The following USP37 variants were observed in gnomAD, a reference collection of about 807,000 sequenced individuals.
USP37 encodes ubiquitin specific peptidase 37, also known as ubiquitin carboxyl-terminal hydrolase 37.
USP37 carries 27 observed loss-of-function variants against 124.0 expected under a neutral mutation model. The ratio of observed to expected loss-of-function variants is 0.22; its 90% confidence interval spans 0.16 to 0.30. The LOEUF is 0.30. Among genes scored for constraint, USP37 ranks in the 10% least tolerant of loss-of-function variants. The pLI is 1.00. For missense variants in USP37, 889 were observed against 1,140.4 expected (o/e 0.78, Z 3.17); for synonymous variants, 365 against 388.0 (o/e 0.94, Z 0.70).
chr2:218,464,189 T>G (rs892989609), intron 21 of USP37, among the ~76,000 whole-genome samples: 1 of 151,442 alleles, frequency 6.6e-6, no homozygotes, highest in Non-Finnish European at 1.5e-5. Flanking sequence ...CCCAGTAAAT[T>G]TGAATGTGCA....
rs1690286851 is a variant in USP37, at chr2:218,465,853, G to A, written c.2466+157C>T. Among the ~76,000 whole-genome samples the A allele has an allele frequency of 6.6e-6, 1 of 152,100 alleles. No individual in the cohort carries two copies. The highest frequency in any genetic ancestry group is 1.5e-5 in the Non-Finnish European group (1 of 68,002). On this transcript the variant is annotated intron_variant, in intron 21 of 25. Coordinates refer to ENST00000258399, the MANE Select transcript of USP37 (RefSeq NM_020935.3). Reference sequence around the variant, plus strand: ...TTACAGGCATGAACCACCAAACCCTGCCTCAAACAAGTCTTTTTTTTCCCC... The same window carrying A: ...TTACAGGCATGAACCACCAAACCCTACCTCAAACAAGTCTTTTTTTTCCCC...
chr2:218,472,667 T>G (rs768171267), intron 20 of USP37, among the ~76,000 whole-genome samples: 154 of 152,060 alleles, frequency 1.0e-3, no homozygotes, highest in Non-Finnish European at 1.8e-3. Flanking sequence ...GGTTTCACCA[T>G]GTTGGTCAAG....
chr2:218,492,253 A>G (rs1337076473), intron 14 of USP37, among the ~76,000 whole-genome samples: 3 of 152,282 alleles, frequency 2.0e-5, no homozygotes, highest in East Asian at 3.9e-4. Flanking sequence ...TTTGGGAAAG[A>G]GAATTCAAAA....
chr2:218,548,546 T>TTGCCCAGGC (rs1692499638), intron 6 of USP37, among the ~76,000 whole-genome samples: 1 of 152,108 alleles, frequency 6.6e-6, no homozygotes, highest in Non-Finnish European at 1.5e-5. Context: ...GTTTCACATG[T>TTGCCCAGGC]TGCCCAGGCT....
intron 19 of USP37, 27 bp downstream of exon 19, chr2:218,476,813 C>A: frequency 6.3e-7 from 1 of 1,583,870 alleles, no homozygotes; most frequent in South Asian, 1.2e-5. Context: ...AAATCTTTGT[C>A]AGATGTTTTA....
At chr2:218,458,480 A>G (rs1689828477) in intron 23 of USP37, among the ~76,000 whole-genome samples, 1 of 151,728 alleles carries the variant, frequency 6.6e-6, no homozygotes, top group Non-Finnish European at 1.5e-5. Context: ...GCTGAGGCAC[A>G]AGAATCGCTT....
chr2:218,478,264 A>G (rs1159716702), intron 18 of USP37, among the ~76,000 whole-genome samples: 1 of 152,202 alleles, frequency 6.6e-6, no homozygotes, highest in Non-Finnish European at 1.5e-5. Context: ...GAACACTTGA[A>G]AAGCCTCCCA....
At chr2:218,531,876 G>A (rs1691345415) in intron 9 of USP37, among the ~76,000 whole-genome samples, 2 of 152,230 alleles carry the variant, frequency 1.3e-5, no homozygotes, top group South Asian at 4.1e-4. Flanking sequence ...CTGAATTGCT[G>A]CAATCTCATG....
chr2:218,469,491 T>C (rs1382632480), intron 20 of USP37, among the ~76,000 whole-genome samples: 2 of 152,186 alleles, frequency 1.3e-5, no homozygotes, highest in Admixed American at 1.3e-4. Flanking sequence ...ATAAAATGAG[T>C]ATTATTATTT....
At chr2:218,459,645 G>C in intron 23 of USP37, 145 bp downstream of exon 23, 1 of 575,524 alleles carries the variant, frequency 1.7e-6, no homozygotes, top group Non-Finnish European at 3.0e-6. Flanking sequence ...AACAGCAAAT[G>C]ACAAGAGAAA....
rs1262801588 is a variant in USP37 at position 218,544,422 on chromosome 2, T to TAGAG, written c.680+1798_680+1799insCTCT. On this transcript the variant is annotated intron_variant, in intron 8 of 25. Transcript: ENST00000258399. ...AAAAAAAAAAATATATATATATATA[T>TAGAG]ATATATATAGAGAGAGAGAGAGAGA... 3.7e-3 allele frequency among the ~76,000 whole-genome samples: 210 copies of TAGAG among 56,282 alleles called. 1 individual carries two copies. Among genetic ancestry groups the TAGAG allele is most frequent in the East Asian group, 8.5e-3 (11 of 1,290 alleles). The allele number at this position is 56,282 out of a possible 152,430, so 36.9% of individuals were successfully genotyped here.
chr2:218,565,573 A>T (rs1257668041), intron 1 of USP37, among the ~76,000 whole-genome samples: 1 of 152,350 alleles, frequency 6.6e-6, no homozygotes, highest in East Asian at 1.9e-4. Flanking sequence ...TTTCAGAATG[A>T]AAAGTGTTTG....
chr2:218,457,030 T>C (rs908217813), intron 24 of USP37, 62 bp downstream of exon 24: 51 of 1,509,072 alleles, frequency 3.4e-5, no homozygotes, highest in Non-Finnish European at 4.7e-5. Context: ...AAGAGCAATA[T>C]AATAAAGAGC....
intron 7 of USP37, 117 bp downstream of exon 7, chr2:218,546,802 T>C: frequency 8.7e-7 from 1 of 1,156,016 alleles, no homozygotes; most frequent in South Asian, 1.5e-5. Context: ...CTTGTAATCA[T>C]TACATCTACC....
chr2:218,562,747 A>T lies in USP37; in HGVS notation c.-163T>A. ...ATTCTGATCCTTGTGCCAAAGGCAA[A>T]GCACTCTTCTTGGGACACTACTCAT... On this transcript the variant is annotated 5_prime_UTR_variant, in exon 2 of 26. Coordinates refer to ENST00000258399, the MANE Select transcript of USP37 (RefSeq NM_020935.3). The T allele has an allele frequency of 2.5e-6, 1 of 398,654 alleles. No individual in the cohort carries two copies. The highest frequency in any genetic ancestry group is 3.6e-5 in the East Asian group (1 of 28,080). The allele number at this position is 398,654 out of a possible 1,614,324, so 24.7% of individuals were successfully genotyped here.
rs777604200 is a variant in USP37, at chr2:218,558,691, C to T, written c.-24-14G>A. 1 of 1,552,202 alleles carries T rather than the reference C, an allele frequency of 6.4e-7. No individual in the cohort carries two copies. The highest frequency in any genetic ancestry group is 8.7e-7 in the Non-Finnish European group (1 of 1,146,928). On this transcript the variant is annotated splice_polypyrimidine_tract_variant and intron_variant, in intron 3 of 25. Coordinates refer to ENST00000258399, the MANE Select transcript of USP37 (RefSeq NM_020935.3). ...AATTGCTTCTGGCTAAATTAAAAAG[C>T]AAAAATATACCTTTACCTGGCAGGT...
intron 14 of USP37, among the ~76,000 whole-genome samples, chr2:218,495,143 G>T (rs1689010584): frequency 6.6e-6 from 1 of 152,054 alleles, no homozygotes; most frequent in Non-Finnish European, 1.5e-5. Flanking sequence ...ACGCGTTTTT[G>T]TTTCGTTTTG....
chr2:218,477,022 G>C, intron 18 of USP37, 41 bp from the exon 19 acceptor site: 1 of 1,455,792 alleles, frequency 6.9e-7, no homozygotes, highest in African/African-American at 1.5e-5. Flanking sequence ...ATAAACATTT[G>C]TCTTTGTTAT....
chr2:218,532,629 C>A (rs1159322796), intron 9 of USP37, among the ~76,000 whole-genome samples: 1 of 151,904 alleles, frequency 6.6e-6, no homozygotes, highest in Non-Finnish European at 1.5e-5. Flanking sequence ...TTGCAATAAA[C>A]TATTTTAAAA....
Sources: gnomAD v4.1 joint callset for allele counts (sites outside exome capture counted in the v4.1 genomes callset) on GRCh38, gnomAD v4.1.1 for gene constraint, MANE v1.5 for transcripts, NCBI Gene and HGNC (gene_info 2026-07-23, HGNC 2026-07-21) for gene names.